Variants in CTNNA3 observed in about 807,000 individuals in gnomAD.
CTNNA3 encodes catenin alpha-3.
Under a neutral mutation model 95.7 loss-of-function variants are expected in CTNNA3, and 76 were observed. The ratio of observed to expected loss-of-function variants is 0.79; its 90% confidence interval spans 0.66 to 0.96. The LOEUF (loss-of-function observed/expected upper bound fraction) is 0.96, where lower values mean the gene tolerates loss of function less well. Among genes scored for constraint, CTNNA3 ranks in the 40% least tolerant of loss-of-function variants. The pLI is 0.00. For missense variants in CTNNA3, 1,191 were observed against 1,089.8 expected (o/e 1.09, Z -1.31); for synonymous variants, 431 against 374.4 (o/e 1.15, Z -1.74).
At chr10:66,754,272 G>A (rs1287045143) in intron 9 of CTNNA3, among the ~76,000 whole-genome samples, 3 of 152,096 alleles carry the variant, frequency 2.0e-5, no homozygotes, top group African/African-American at 7.2e-5. Context: ...AAAAATAATT[G>A]TCTTTTCAAG....
intron 15 of CTNNA3, among the ~76,000 whole-genome samples, chr10:66,049,782 G>A (rs1270604612): frequency 7.0e-6 from 1 of 143,088 alleles, no homozygotes; most frequent in Non-Finnish European, 1.5e-5. Flanking sequence ...AAATACATTA[G>A]CATCTACTTG....
chr10:66,358,491 A>G (rs938111890), intron 12 of CTNNA3, among the ~76,000 whole-genome samples: 2 of 152,186 alleles, frequency 1.3e-5, no homozygotes, highest in African/African-American at 4.8e-5. Context: ...AGTTGACATC[A>G]GTGGAAGAGT....
At chr10:67,663,756 A>C (rs1320859019) in intron 1 of CTNNA3, among the ~76,000 whole-genome samples, 1 of 152,220 alleles carries the variant, frequency 6.6e-6, no homozygotes, top group Non-Finnish European at 1.5e-5. Context: ...TAATATCAGA[A>C]GACAACACTG....
intron 11 of CTNNA3, among the ~76,000 whole-genome samples, chr10:66,443,810 C>A (rs945282050): frequency 2.6e-5 from 4 of 152,138 alleles, no homozygotes; most frequent in Non-Finnish European, 5.9e-5. Context: ...AGCAACGGAA[C>A]AAAGCTGGAC....
In CTNNA3 at chr10:67,657,267, T is replaced by G. The variant is rs138180262; in HGVS notation, c.-5-9749A>C. Among the ~76,000 whole-genome samples, 203 of 152,148 alleles carry G rather than the reference T, an allele frequency of 1.3e-3. 1 individual carries two copies. The highest frequency in any genetic ancestry group is 4.6e-3 in the African/African-American group (190 of 41,464). On this transcript the variant is annotated intron_variant, in intron 1 of 17. Transcript: ENST00000433211. ...AGAGTCCAGCTGGGGACATGATAAA[T>G]TTGAGGTGCATATTAACATCAAAGT...
intron 7 of CTNNA3, chr10:66,928,567 C>A: frequency 1.0e-6 from 1 of 953,412 alleles, no homozygotes. Flanking sequence ...CCCTCTCCCT[C>A]TCACTTTGCT....
At chr10:66,528,937 T>C (rs1339534314) in intron 10 of CTNNA3, among the ~76,000 whole-genome samples, 1 of 152,154 alleles carries the variant, frequency 6.6e-6, no homozygotes, top group Admixed American at 6.5e-5. Flanking sequence ...AGGGTGTATC[T>C]GACACATCAT....
At chr10:66,606,420 G>A (rs1184421513) in intron 10 of CTNNA3, among the ~76,000 whole-genome samples, 1 of 152,190 alleles carries the variant, frequency 6.6e-6, no homozygotes, top group African/African-American at 2.4e-5. Context: ...AAACGGACCT[G>A]AGAGACATCT....
chr10:66,299,909 T>G (rs1410877156), intron 12 of CTNNA3, among the ~76,000 whole-genome samples: 1 of 152,126 alleles, frequency 6.6e-6, no homozygotes, highest in Non-Finnish European at 1.5e-5. Context: ...TTTTCTTTTT[T>G]TGAGATGGAG....
At chr10:66,077,185 C>CT (rs1272006558) in intron 14 of CTNNA3, among the ~76,000 whole-genome samples, 2 of 151,608 alleles carry the variant, frequency 1.3e-5, no homozygotes, top group African/African-American at 4.8e-5. Context: ...TTTCAAATTA[C>CT]TTTGATGTAG....
At chr10:66,652,467 CATA>C (rs1292890749) in intron 9 of CTNNA3, among the ~76,000 whole-genome samples, 3 of 151,950 alleles carry the variant, frequency 2.0e-5, no homozygotes, top group Non-Finnish European at 2.9e-5. Flanking sequence ...CAAACAAACT[CATA>C]ATGAGTAAGA....
chr10:67,010,904 C>T (rs555940451), intron 7 of CTNNA3, among the ~76,000 whole-genome samples: 1 of 152,176 alleles, frequency 6.6e-6, no homozygotes, highest in East Asian at 1.9e-4. Flanking sequence ...TCTTCTAAAC[C>T]TAACAATTGA....
intron 2 of CTNNA3, among the ~76,000 whole-genome samples, chr10:67,632,953 C>G (rs1839193272): frequency 6.6e-6 from 1 of 152,206 alleles, no homozygotes; most frequent in Non-Finnish European, 1.5e-5. Context: ...TCCAGCCAGC[C>G]AATGGCAACA....
chr10:67,142,339 A>C (rs1860607333), intron 7 of CTNNA3, among the ~76,000 whole-genome samples: 1 of 152,144 alleles, frequency 6.6e-6, no homozygotes, highest in South Asian at 2.1e-4. Flanking sequence ...TCCAAAAAAA[A>C]AATTTTTTTA....
chr10:67,092,550 TA>T (rs1447185392), intron 7 of CTNNA3, among the ~76,000 whole-genome samples: 7 of 151,978 alleles, frequency 4.6e-5, no homozygotes, highest in Admixed American at 3.9e-4. Flanking sequence ...TATACAAAGA[TA>T]TTTGTACAAA....
intron 9 of CTNNA3, among the ~76,000 whole-genome samples, chr10:66,682,523 G>A (rs1286176237): frequency 6.6e-6 from 1 of 151,604 alleles, no homozygotes; most frequent in African/African-American, 2.4e-5. Flanking sequence ...TACATGTTTG[G>A]TACACAAACA....
intron 3 of CTNNA3, among the ~76,000 whole-genome samples, chr10:67,578,736 T>G (rs1352636371): frequency 6.7e-6 from 1 of 148,352 alleles, no homozygotes; most frequent in Non-Finnish European, 1.5e-5. Context: ...GCTTTCAACT[T>G]TTTCCCATTC....
chr10:67,635,006 T>G (rs535779061), intron 2 of CTNNA3, among the ~76,000 whole-genome samples: 4 of 152,036 alleles, frequency 2.6e-5, no homozygotes, highest in Non-Finnish European at 5.9e-5. Context: ...ACAGAATATA[T>G]ATTCTTCTCA....
At chr10:66,038,513 G>A (rs1343405001) in intron 15 of CTNNA3, among the ~76,000 whole-genome samples, 1 of 152,150 alleles carries the variant, frequency 6.6e-6, no homozygotes, top group Non-Finnish European at 1.5e-5. Context: ...ATAACCTATG[G>A]TCAGTAGGAT....
Sources: gnomAD v4.1 joint callset for allele counts (sites outside exome capture counted in the v4.1 genomes callset) on GRCh38, gnomAD v4.1.1 for gene constraint, MANE v1.5 for transcripts, NCBI Gene and HGNC (gene_info 2026-07-23, HGNC 2026-07-21) for gene names.